The following ANO4 variants were observed in gnomAD, a reference collection of about 807,000 sequenced individuals.
ANO4 encodes anoctamin-4.
ANO4 carries 69 observed loss-of-function variants against 141.9 expected under a neutral mutation model. The observed-to-expected ratio is 0.49, with a 90% CI of 0.40 to 0.59. The LOEUF (loss-of-function observed/expected upper bound fraction) is 0.59, where lower values mean the gene tolerates loss of function less well. Ranked by LOEUF, ANO4 falls within the 20% of genes least tolerant of loss-of-function variation. The pLI is 0.00. For missense variants in ANO4, 894 were observed against 1,162.2 expected, an observed-to-expected ratio of 0.77 and a Z score of 3.36; for synonymous variants, 350 against 394.3, an observed-to-expected ratio of 0.89 and a Z score of 1.33.
At chr12:101,045,624 T>C (rs1420647524) in intron 13 of ANO4, among the ~76,000 whole-genome samples, 1 of 152,206 alleles carries the variant, frequency 6.6e-6, no homozygotes. Context: ...TTGACTCTTG[T>C]GTTTGCAAGA....
At chr12:100,892,746 T>C (rs1199771758) in intron 1 of ANO4, among the ~76,000 whole-genome samples, 3 of 152,228 alleles carry the variant, frequency 2.0e-5, no homozygotes, top group Non-Finnish European at 4.4e-5. Flanking sequence ...ATACTGTATT[T>C]TAAAATTTAT....
Position 100,891,350 on chromosome 12 carries a change from G to T in ANO4, c.-140-10296G>T, listed in dbSNP as rs114788992. ...TGGGTAAATACCAAGGTGCATGATT[G>T]CTGGATTGTATGGTGAGAGTAAGTT... On this transcript the variant is annotated intron_variant, in intron 1 of 27. Coordinates refer to ENST00000392977, the MANE Select transcript of ANO4 (RefSeq NM_001286615.2). Among the ~76,000 whole-genome samples the T allele has an allele frequency of 7.6e-3, 1,160 of 152,282 alleles. 14 individuals carry two copies. The highest frequency in any genetic ancestry group is 0.026 in the African/African-American group (1,094 of 41,556).
chr12:101,011,751 G>C (rs2046103989), intron 8 of ANO4, among the ~76,000 whole-genome samples: 1 of 152,112 alleles, frequency 6.6e-6, no homozygotes, highest in South Asian at 2.1e-4. Context: ...AACCTACCTT[G>C]ATTAGTTATC....
intron 5 of ANO4, among the ~76,000 whole-genome samples, chr12:100,953,261 T>C (rs1045787201): frequency 6.6e-6 from 1 of 152,272 alleles, no homozygotes; most frequent in African/African-American, 2.4e-5. Context: ...ATCATGAATA[T>C]GACACTAATT....
chr12:100,834,886 G>A (rs2036822710), intron 1 of ANO4, among the ~76,000 whole-genome samples: 1 of 152,164 alleles, frequency 6.6e-6, no homozygotes, highest in Non-Finnish European at 1.5e-5. Flanking sequence ...GGAATGGCAA[G>A]TGCAAACACA....
Position 100,814,846 on chromosome 12 carries a change from A to G in ANO4, c.-141+19819A>G, listed in dbSNP as rs980194545. Among the ~76,000 whole-genome samples, 61 of 152,084 alleles carry G rather than the reference A, an allele frequency of 4.0e-4. 2 individuals carry two copies. Among genetic ancestry groups the G allele is most frequent in the Non-Finnish European group, 2.9e-5 (2 of 67,994 alleles). Reference sequence around the variant, plus strand: ...TTATTGAACTTGACATTATCTCCTGATGGGAGTTTGGGGACATGAGGTTCA... The same window carrying G: ...TTATTGAACTTGACATTATCTCCTGGTGGGAGTTTGGGGACATGAGGTTCA... On this transcript the variant is annotated intron_variant, in intron 1 of 27. Coordinates refer to ENST00000392977, the MANE Select transcript of ANO4 (RefSeq NM_001286615.2).
At chr12:100,873,422 C>T (rs879404729) in intron 1 of ANO4, among the ~76,000 whole-genome samples, 5 of 152,124 alleles carry the variant, frequency 3.3e-5, no homozygotes, top group Non-Finnish European at 7.3e-5. Context: ...GGGGAGGTCT[C>T]AGATGGAAAT....
intron 7 of ANO4, among the ~76,000 whole-genome samples, chr12:100,976,573 C>A (rs2044203911): frequency 2.0e-5 from 3 of 152,344 alleles, no homozygotes; most frequent in Admixed American, 6.5e-5. Context: ...TTCTAGGCCT[C>A]AACCCCAGAG....
chr12:100,867,487 C>G (rs1311666843), intron 1 of ANO4, among the ~76,000 whole-genome samples: 1 of 152,054 alleles, frequency 6.6e-6, no homozygotes, highest in South Asian at 2.1e-4. Context: ...ATTATTCAGT[C>G]CCTTTGGTCT....
At chr12:101,104,627 G>A (rs895131684) in intron 22 of ANO4, among the ~76,000 whole-genome samples, 30 of 62,032 alleles carry the variant, frequency 4.8e-4, no homozygotes, top group African/African-American at 8.6e-4. Context: ...ATGTATGTGT[G>A]TATATATATA....
In ANO4 at chr12:101,010,118, C is replaced by T. The variant is rs115359995; in HGVS notation, c.735-9916C>T. ...CATAGATCTGTCTGCTTGGCACATT[C>T]CAACATTTTGATGCTGTTGTTTTGT... On this transcript the variant is annotated intron_variant, in intron 8 of 27. Transcript: ENST00000392977. Among the ~76,000 whole-genome samples, 1,435 of 152,190 alleles carry T rather than the reference C, an allele frequency of 9.4e-3. 21 individuals are homozygous for T. The highest frequency in any genetic ancestry group is 0.033 in the African/African-American group (1,362 of 41,530).
chr12:100,890,761 A>G (rs914032336), intron 1 of ANO4, among the ~76,000 whole-genome samples: 11 of 152,122 alleles, frequency 7.2e-5, no homozygotes, highest in African/African-American at 2.7e-4. Context: ...GAGTGGTACA[A>G]TTATTACAAT....
Position 101,037,130 on chromosome 12 carries a change from G to T in ANO4, c.877G>T (p.Ala293Ser). The T allele has an allele frequency of 6.2e-7, 1 of 1,613,908 alleles. No individual in the cohort carries two copies. The highest frequency in any genetic ancestry group is 8.5e-7 in the Non-Finnish European group (1 of 1,179,890). ...TTTGCTTACCAATGGCTCCTATGAA[G>T]CTGCGTTTCCCCTGCATGAGGTATT... Reference protein sequence around the residue: ...NRLLTNGSYEAAFPLHEGSYR... With the variant: ...NRLLTNGSYESAFPLHEGSYR... Residue 293 changes from alanine (A) to serine (S), a missense_variant, in exon 10 of 28, where the codon GCT becomes TCT. Ala to Ser is a moderately conservative substitution (Grantham distance 99). Around this residue, in one of 2 missense-constraint regions of ANO4, gnomAD observed 637 missense variants for 909.2 expected, o/e 0.70. Transcript: ENST00000392977.
chr12:100,953,108 G>C (rs1247450663), intron 5 of ANO4, among the ~76,000 whole-genome samples: 1 of 152,086 alleles, frequency 6.6e-6, no homozygotes, highest in Non-Finnish European at 1.5e-5. Flanking sequence ...CTGATATAAA[G>C]CACGTTTTGC....
intron 22 of ANO4, among the ~76,000 whole-genome samples, chr12:101,108,140 A>G (rs985046175): frequency 2.6e-5 from 4 of 152,162 alleles, no homozygotes; most frequent in African/African-American, 9.7e-5. Context: ...GCGATAGAGA[A>G]TTGAGAACCC....
intron 26 of ANO4, among the ~76,000 whole-genome samples, chr12:101,123,433 G>T (rs1416394410): frequency 6.6e-6 from 1 of 152,072 alleles, no homozygotes; most frequent in East Asian, 1.9e-4. Context: ...ATTAAGCTCA[G>T]CATCCCTTAG....
In ANO4 at chr12:100,971,327, A is replaced by C. The variant is rs759710886; in HGVS notation, c.478A>C (p.Ile160Leu). 1 of 1,610,872 alleles carries C rather than the reference A, an allele frequency of 6.2e-7. No homozygotes were observed. The highest frequency in any genetic ancestry group is 1.7e-5 in the Admixed American group (1 of 59,976). Reference sequence around the variant, plus strand: ...TCAGTCCTCTCTAATAAATAGTGACATTATCTTTGTGAAGTTGCATGCCCC... The same window carrying C: ...TCAGTCCTCTCTAATAAATAGTGACCTTATCTTTGTGAAGTTGCATGCCCC... ...EKESSLINSDIIFVKLHAPWE... is the reference protein window; with the variant it reads ...EKESSLINSDLIFVKLHAPWE... The change falls in exon 6 of 28, where the codon ATT becomes CTT. Residue 160 changes from isoleucine to leucine, a missense_variant. Transcript: ENST00000392977.
At chr12:100,978,164 C>A (rs1301768830) in intron 7 of ANO4, among the ~76,000 whole-genome samples, 1 of 152,188 alleles carries the variant, frequency 6.6e-6, no homozygotes, top group African/African-American at 2.4e-5. Flanking sequence ...GCAAGGATGA[C>A]TCATTCAATT....
chr12:100,771,736 C>A lies in ANO4; in HGVS notation c.358+31631C>A, dbSNP rs997550932. On this transcript the variant is annotated intron_variant, in intron 3 of 29. Transcript: ENST00000644049. ...GACAAGGAGGTCTTGTTAGAAGGAC[C>A]TGAGGAAGGCCTGGGTGACCAGTGG... 3.9e-5 allele frequency among the ~76,000 whole-genome samples: 6 copies of A among 152,326 alleles called. No homozygotes were observed. In the East Asian group the frequency reaches 1.2e-3, roughly 29 times the overall value.
Sources: allele counts gnomAD v4.1 joint callset (sites outside exome capture counted in the v4.1 genomes callset), GRCh38; gene constraint gnomAD v4.1.1; regional missense constraint gnomAD v4.1.1; transcripts MANE v1.5; gene names NCBI Gene and HGNC (gene_info 2026-07-23, HGNC 2026-07-21).